GNA14: variants seen among roughly 807,000 people sequenced by gnomAD.
GNA14 encodes the protein guanine nucleotide-binding protein subunit alpha-14.
In GNA14, 50 loss-of-function variants were observed where a neutral mutation model predicts 42.0. The observed-to-expected ratio is 1.19, with a 90% CI of 0.95 to 1.51. The LOEUF is 1.51. Ranked by LOEUF, GNA14 falls within the 40% of genes most tolerant of loss-of-function variation. GNA14 has a pLI of 0.00. For missense variants in GNA14, 473 were observed against 446.2 expected, an observed-to-expected ratio of 1.06 and a Z score of -0.54; for synonymous variants, 173 against 163.1, an observed-to-expected ratio of 1.06 and a Z score of -0.46.
chr9:77,446,560 C>T (rs1208671806), intron 2 of GNA14, among the ~76,000 whole-genome samples: 1 of 152,128 alleles, frequency 6.6e-6, no homozygotes, highest in Non-Finnish European at 1.5e-5. Context: ...TGGGCCTGAC[C>T]TCCAAAACCT....
chr9:77,619,407 G>A (rs1191600990), intron 1 of GNA14, among the ~76,000 whole-genome samples: 1 of 152,062 alleles, frequency 6.6e-6, no homozygotes, highest in African/African-American at 2.4e-5. Context: ...CAGCATGTTA[G>A]CCAGGCTGGT....
At chr9:77,602,890 A>G (rs1033702155) in intron 1 of GNA14, among the ~76,000 whole-genome samples, 1 of 152,218 alleles carries the variant, frequency 6.6e-6, no homozygotes, top group Admixed American at 6.5e-5. Flanking sequence ...CTTTTGCCCA[A>G]GGACCCTACA....
At chr9:77,552,819 A>G (rs1837802182) in intron 1 of GNA14, among the ~76,000 whole-genome samples, 1 of 152,222 alleles carries the variant, frequency 6.6e-6, no homozygotes, top group African/African-American at 2.4e-5. Flanking sequence ...GCTATTAAGC[A>G]TCTTAATTGA....
chr9:77,560,591 C>G (rs1039828763), intron 1 of GNA14, among the ~76,000 whole-genome samples: 9 of 152,148 alleles, frequency 5.9e-5, no homozygotes, highest in African/African-American at 1.9e-4. Flanking sequence ...GCTGGGATTA[C>G]AGGTGTGAGA....
chr9:77,641,574 TA>T (rs145926065), intron 1 of GNA14, among the ~76,000 whole-genome samples: 3 of 149,922 alleles, frequency 2.0e-5, no homozygotes, highest in Non-Finnish European at 3.0e-5. Flanking sequence ...AACCGTCTGT[TA>T]AAAAAAAAGG....
chr9:77,622,702 T>C lies in GNA14; in HGVS notation c.124+24968A>G, dbSNP rs1479046131. Among the ~76,000 whole-genome samples the C allele has an allele frequency of 8.8e-5, 12 of 136,780 alleles. No homozygotes were observed. In the East Asian group the frequency reaches 2.3e-3, roughly 27 times the overall value. 89.7% of individuals were successfully genotyped at this position (136,780 alleles called of 152,430 possible). Reference sequence around the variant, plus strand: ...GAGATTGAGACCATCCTGGCTAACATGGTGAAAACCCCGTCTCTACTAAAA... The same window carrying C: ...GAGATTGAGACCATCCTGGCTAACACGGTGAAAACCCCGTCTCTACTAAAA... On this transcript the variant is annotated intron_variant, in intron 1 of 6. Coordinates refer to ENST00000341700, the MANE Select transcript of GNA14 (RefSeq NM_004297.4).
chr9:77,570,395 C>A (rs1823042589), intron 1 of GNA14, among the ~76,000 whole-genome samples: 1 of 152,166 alleles, frequency 6.6e-6, no homozygotes, highest in African/African-American at 2.4e-5. Context: ...GCAGTGACTC[C>A]TTGCCCCCAC....
At chr9:77,604,083 T>A (rs955510570) in intron 1 of GNA14, among the ~76,000 whole-genome samples, 2 of 151,448 alleles carry the variant, frequency 1.3e-5, no homozygotes, top group Admixed American at 6.6e-5. Flanking sequence ...AATGTAAAAT[T>A]CCCACAAATT....
rs144850941 is a variant in GNA14 at position 77,509,785 on chromosome 9, C to T, written c.309+19284G>A. On this transcript the variant is annotated intron_variant, in intron 2 of 6. Coordinates refer to ENST00000341700, the MANE Select transcript of GNA14 (RefSeq NM_004297.4). ...TTGTCATTGAAAGTAATGACAAAAA[C>T]GGCAATTACTTTTGCACCAACCTAA... Among the ~76,000 whole-genome samples the T allele has an allele frequency of 5.1e-3, 782 of 152,040 alleles. 4 individuals are homozygous for T. Among genetic ancestry groups the T allele is most frequent in the Non-Finnish European group, 8.5e-3 (576 of 67,956 alleles).
chr9:77,551,762 A>G (rs1471813047), intron 1 of GNA14, among the ~76,000 whole-genome samples: 2 of 152,126 alleles, frequency 1.3e-5, no homozygotes, highest in African/African-American at 2.4e-5. Context: ...TTAAAAAAAA[A>G]TCCTTTTCAT....
chr9:77,615,557 G>C (rs1823798000), intron 1 of GNA14, among the ~76,000 whole-genome samples: 1 of 152,034 alleles, frequency 6.6e-6, no homozygotes, highest in East Asian at 1.9e-4. Flanking sequence ...ACCTCCATCA[G>C]AGCAGAATGA....
intron 1 of GNA14, among the ~76,000 whole-genome samples, chr9:77,547,346 A>C (rs1182931374): frequency 6.6e-6 from 1 of 152,224 alleles, no homozygotes; most frequent in Non-Finnish European, 1.5e-5. Context: ...CCAAAATCCT[A>C]TTTGATGTAT....
At chr9:77,505,462 T>C (rs184393897) in intron 2 of GNA14, among the ~76,000 whole-genome samples, 1 of 152,282 alleles carries the variant, frequency 6.6e-6, no homozygotes, top group South Asian at 2.1e-4. Flanking sequence ...TGTGGCTGAC[T>C]CTCTCCTCCA....
intron 2 of GNA14, among the ~76,000 whole-genome samples, chr9:77,459,385 A>G (rs76170667): frequency 0.011 from 1,660 of 152,214 alleles, 43 homozygotes; most frequent in African/African-American, 0.038. Context: ...CCTCACCTCA[A>G]AGTCTTCTCC....
chr9:77,450,953 C>T (rs1168339641), intron 2 of GNA14, among the ~76,000 whole-genome samples: 1 of 152,056 alleles, frequency 6.6e-6, no homozygotes, highest in Non-Finnish European at 1.5e-5. Context: ...CTCCTTCTTC[C>T]CCTTCCACCA....
intron 1 of GNA14, among the ~76,000 whole-genome samples, chr9:77,596,550 A>T (rs779685317): frequency 6.6e-5 from 10 of 152,164 alleles, no homozygotes; most frequent in Non-Finnish European, 1.5e-4. Context: ...TATGGCATAG[A>T]CTATATGCTT....
At chr9:77,608,521 A>C (rs75116389) in intron 1 of GNA14, among the ~76,000 whole-genome samples, 1,871 of 152,242 alleles carry the variant, frequency 0.012, 31 homozygotes, top group African/African-American at 0.042. Context: ...GGGCAGAGGC[A>C]TCCTGGCCAG....
At chr9:77,508,583 G>T (rs1484113768) in intron 2 of GNA14, among the ~76,000 whole-genome samples, 1 of 152,208 alleles carries the variant, frequency 6.6e-6, no homozygotes, top group Non-Finnish European at 1.5e-5. Flanking sequence ...ATGTGTGCGT[G>T]AGTGTATGTT....
intron 2 of GNA14, among the ~76,000 whole-genome samples, chr9:77,469,481 G>A (rs1836291583): frequency 2.0e-5 from 3 of 149,056 alleles, no homozygotes; most frequent in Admixed American, 6.7e-5. Flanking sequence ...AAGACAAATT[G>A]CTTACAAGCA....
Sources: gnomAD v4.1 joint callset for allele counts (sites outside exome capture counted in the v4.1 genomes callset) on GRCh38, gnomAD v4.1.1 for gene constraint, MANE v1.5 for transcripts, NCBI Gene and HGNC (gene_info 2026-07-23, HGNC 2026-07-21) for gene names.